Variants in GRIP1 observed in about 807,000 individuals in gnomAD.
GRIP1 encodes the protein glutamate receptor interacting protein 1, also known as glutamate receptor-interacting protein 1.
Under a neutral mutation model 129.9 loss-of-function variants are expected in GRIP1, and 45 were observed. The ratio of observed to expected loss-of-function variants is 0.35; its 90% CI spans 0.27 to 0.44. The LOEUF (loss-of-function observed/expected upper bound fraction) is 0.44. Ranked by LOEUF, GRIP1 falls within the 20% of genes least tolerant of loss-of-function variation. The pLI is 1.00. For synonymous variants in GRIP1, 530 were observed against 520.8 expected (o/e 1.02, Z -0.24); for missense variants, 1,196 against 1,396.8 (o/e 0.86, Z 2.29).
At chr12:66,913,934 C>T (rs954155243) in intron 1 of GRIP1, among the ~76,000 whole-genome samples, 4 of 152,144 alleles carry the variant, frequency 2.6e-5, no homozygotes, top group Admixed American at 2.0e-4. Context: ...AGTATCATCA[C>T]TAGCCTGGAC....
intron 6 of GRIP1, among the ~76,000 whole-genome samples, chr12:66,516,678 A>C (rs1487392208): frequency 6.6e-6 from 1 of 152,142 alleles, no homozygotes; most frequent in Non-Finnish European, 1.5e-5. Context: ...AGAAATGAAA[A>C]CATTCTAATT....
At chr12:66,602,121 A>G (rs1273155472) in intron 1 of GRIP1, among the ~76,000 whole-genome samples, 1 of 152,200 alleles carries the variant, frequency 6.6e-6, no homozygotes, top group Non-Finnish European at 1.5e-5. Context: ...GCTTTCAGAT[A>G]ACATGGTAGT....
intron 13 of GRIP1, among the ~76,000 whole-genome samples, chr12:66,442,172 A>G (rs751788505): frequency 2.0e-5 from 3 of 152,208 alleles, no homozygotes; most frequent in Non-Finnish European, 4.4e-5. Context: ...AATGTGATCT[A>G]AATTCCTTAC....
intron 2 of GRIP1, among the ~76,000 whole-genome samples, chr12:66,577,794 G>A (rs2063193850): frequency 6.6e-6 from 1 of 151,996 alleles, no homozygotes; most frequent in South Asian, 2.1e-4. Flanking sequence ...TACAAAAAAA[G>A]TTAAAAAAAA....
chr12:66,531,326 CATATATACAT>C (rs2061458722), intron 4 of GRIP1, among the ~76,000 whole-genome samples: 1 of 52,564 alleles, frequency 1.9e-5, no homozygotes, highest in African/African-American at 9.5e-5. Flanking sequence ...CATACATATA[CATATATACAT>C]ATATATACAC....
intron 7 of GRIP1, among the ~76,000 whole-genome samples, chr12:66,513,514 G>A (rs2060760048): frequency 6.6e-6 from 1 of 151,982 alleles, no homozygotes; most frequent in South Asian, 2.1e-4. Context: ...ATATGCATAT[G>A]CATATCTATA....
At chr12:66,700,668 T>C (rs529359689) in intron 1 of GRIP1, among the ~76,000 whole-genome samples, 5 of 152,168 alleles carry the variant, frequency 3.3e-5, no homozygotes, top group Admixed American at 1.3e-4. Flanking sequence ...TGGTGGCTGC[T>C]AAGGATAGGC....
intron 2 of GRIP1, among the ~76,000 whole-genome samples, chr12:66,554,751 T>C (rs1230302396): frequency 6.6e-6 from 1 of 152,120 alleles, no homozygotes; most frequent in African/African-American, 2.4e-5. Flanking sequence ...CGGTGGTACT[T>C]TGGCAGTATT....
chr12:66,552,427 A>T (rs1184720227), intron 2 of GRIP1, among the ~76,000 whole-genome samples: 1 of 152,212 alleles, frequency 6.6e-6, no homozygotes, highest in Non-Finnish European at 1.5e-5. Context: ...TTTTCCAAGT[A>T]TTCTTACATC....
chr12:66,741,103 T>G (rs2036775149), intron 1 of GRIP1, among the ~76,000 whole-genome samples: 1 of 152,196 alleles, frequency 6.6e-6, no homozygotes, highest in Non-Finnish European at 1.5e-5. Flanking sequence ...TTCCCAGCTC[T>G]CTTTCATAGA....
At chr12:66,453,709 A>G (rs1475648294) in intron 11 of GRIP1, among the ~76,000 whole-genome samples, 1 of 152,230 alleles carries the variant, frequency 6.6e-6, no homozygotes, top group Non-Finnish European at 1.5e-5. Flanking sequence ...TTTTCAGTCA[A>G]GGCATACCTC....
intron 1 of GRIP1, among the ~76,000 whole-genome samples, chr12:66,775,177 T>C (rs1043115709): frequency 2.0e-5 from 3 of 152,172 alleles, no homozygotes; most frequent in Non-Finnish European, 4.4e-5. Flanking sequence ...TGGATGTTTT[T>C]AAGGAGCACA....
chr12:66,582,114 T>G (rs890065196), intron 2 of GRIP1, among the ~76,000 whole-genome samples: 3 of 152,062 alleles, frequency 2.0e-5, no homozygotes, highest in Non-Finnish European at 4.4e-5. Flanking sequence ...TGCAAATCAA[T>G]AAATGTAATC....
intron 1 of GRIP1, among the ~76,000 whole-genome samples, chr12:66,909,963 T>TA (rs1017129028): frequency 8.5e-5 from 13 of 152,280 alleles, no homozygotes; most frequent in African/African-American, 2.2e-4. Flanking sequence ...AAGTTTTTTT[T>TA]ATCTCATCTA....
At chr12:66,656,838 T>G (rs747034696) in intron 1 of GRIP1, among the ~76,000 whole-genome samples, 1 of 152,222 alleles carries the variant, frequency 6.6e-6, no homozygotes, top group Non-Finnish European at 1.5e-5. Flanking sequence ...AGAAATGCAG[T>G]ATTTACATGA....
intron 1 of GRIP1, among the ~76,000 whole-genome samples, chr12:66,916,242 G>C (rs974236036): frequency 1.3e-5 from 2 of 152,160 alleles, no homozygotes; most frequent in African/African-American, 2.4e-5. Flanking sequence ...TTTTAGGTTG[G>C]GGCCCCTGCA....
rs1002005391 is a variant in GRIP1, at chr12:66,815,820, A to ATTTCTTTCTTTCTTTCTTTCTTTCTTTC, written c.59-218921_59-218894dup. ...GGGAGTGGCTTAAACAAGATGAAAGATTTCTTTCTTTCTTTCTTTCTTTCT... is the reference window on the plus strand; with the variant it reads ...GGGAGTGGCTTAAACAAGATGAAAGATTTCTTTCTTTCTTTCTTTCTTTCTTTCTTTCTTTCTTTCTTTCTTTCTTTCT... On this transcript the variant is annotated intron_variant, in intron 1 of 1. Transcript: ENST00000643019. Among the ~76,000 whole-genome samples the ATTTCTTTCTTTCTTTCTTTCTTTCTTTC allele has an allele frequency of 1.2e-3, 137 of 118,554 alleles. 3 individuals are homozygous for ATTTCTTTCTTTCTTTCTTTCTTTCTTTC. Among genetic ancestry groups the ATTTCTTTCTTTCTTTCTTTCTTTCTTTC allele is most frequent in the African/African-American group, 4.4e-3 (119 of 26,786 alleles). 77.8% of individuals were successfully genotyped at this position (118,554 alleles called of 152,430 possible).
chr12:66,349,068 G>C lies in GRIP1; in HGVS notation c.3338C>G (p.Pro1113Arg). ...TGTCTCCAAATTACCACCGTGGCTAGGCTGCTGGAAAAAAGCACTGTTCTG... is the reference window on the plus strand; with the variant it reads ...TGTCTCCAAATTACCACCGTGGCTACGCTGCTGGAAAAAAGCACTGTTCTG... Reference protein sequence around the residue: ...SEQNSAFFQQPSHGGNLETRE... With the variant: ...SEQNSAFFQQRSHGGNLETRE... Residue 1113 changes from proline to arginine, a missense_variant, in exon 25 of 25, where the codon CCT becomes CGT. This residue lies in a region of GRIP1 where 427 missense variants were observed against 463.3 expected (regional missense o/e 0.92). Transcript: ENST00000359742. 1.9e-6 allele frequency: 3 copies of C among 1,614,084 alleles called. No individual in the cohort carries two copies. The highest frequency in any genetic ancestry group is 2.5e-6 in the Non-Finnish European group (3 of 1,179,954).
intron 1 of GRIP1, among the ~76,000 whole-genome samples, chr12:66,604,198 T>C (rs1407145176): frequency 2.0e-5 from 3 of 152,164 alleles, no homozygotes; most frequent in Non-Finnish European, 4.4e-5. Flanking sequence ...CTGGACAACC[T>C]TGTGGAAGTG....
Sources: gnomAD v4.1 joint callset for allele counts (sites outside exome capture counted in the v4.1 genomes callset) on GRCh38, gnomAD v4.1.1 for gene constraint, gnomAD v4.1.1 regional missense constraint, MANE v1.5 for transcripts, NCBI Gene and HGNC (gene_info 2026-07-23, HGNC 2026-07-21) for gene names.